MGLL: variants seen among roughly 807,000 people sequenced by gnomAD.
MGLL encodes the protein monoglyceride lipase.
Under a neutral mutation model 29.1 loss-of-function variants are expected in MGLL, and 7 were observed. That is an observed-to-expected ratio of 0.24 (90% CI 0.14 to 0.45). The LOEUF is 0.45. MGLL is among the 20% of genes least tolerant of loss of function. The pLI, the probability that MGLL is intolerant of heterozygous loss-of-function variation, is 0.99. For missense variants in MGLL, 356 were observed against 413.6 expected (o/e 0.86, Z 1.21); for synonymous variants, 148 against 168.3 (o/e 0.88, Z 0.93).
At position 127,781,889 on chromosome 3, in the gene MGLL, G is replaced by A; in HGVS notation, c.162C>T (p.Leu54=). Residue 54 remains leucine (L), a synonymous_variant, in exon 3 of 8, where the codon CTC becomes CTT. Coordinates refer to ENST00000265052, the MANE Select transcript of MGLL (RefSeq NM_007283.7). ...YWKPTGTPKA[L]IFVSHGAGEH... The stretch of plus-strand genomic sequence containing the variant: ...CTCCGGCTCCATGGGACACAAAGAT[G>A]AGGGCCCTGCAGAGACAAGAAGGGA... 3 of 1,614,016 alleles carry A rather than the reference G, an allele frequency of 1.9e-6. No individual in the cohort carries two copies. Among genetic ancestry groups the A allele is most frequent in the Non-Finnish European group, 1.7e-6 (2 of 1,179,986 alleles).
chr3:127,722,291 C>G, intron 4 of MGLL, 139 bp downstream of exon 4: 1 of 1,244,720 alleles, frequency 8.0e-7, no homozygotes, highest in Non-Finnish European at 1.2e-6. Context: ...CCCAGGAACT[C>G]CAAGTGCAGT....
chr3:127,738,456 G>T (rs1387917073), intron 3 of MGLL, among the ~76,000 whole-genome samples: 2 of 152,182 alleles, frequency 1.3e-5, no homozygotes, highest in Admixed American at 1.3e-4. Flanking sequence ...GGAGCTGCTG[G>T]TGGAAGGGTG....
At chr3:127,809,712 T>G (rs2077628527) in intron 2 of MGLL, among the ~76,000 whole-genome samples, 1 of 151,794 alleles carries the variant, frequency 6.6e-6, no homozygotes, top group Admixed American at 6.6e-5. Context: ...ATGGCCACAG[T>G]TCTCTGCACA....
chr3:127,783,360 G>A (rs1470822599), intron 2 of MGLL, among the ~76,000 whole-genome samples: 4 of 151,996 alleles, frequency 2.6e-5, no homozygotes, highest in Admixed American at 2.0e-4. Context: ...CTTTCTGCTG[G>A]GCTCTGGCCC....
chr3:127,701,351 G>C (rs60981989), intron 6 of MGLL, among the ~76,000 whole-genome samples: 7,496 of 152,142 alleles, frequency 0.049, 221 homozygotes, highest in East Asian at 0.12. Flanking sequence ...TGGCCATGGC[G>C]TGCTTCCTCT....
intron 5 of MGLL, chr3:127,710,883 T>G: frequency 3.3e-4 from 178 of 537,670 alleles, no homozygotes; most frequent in Middle Eastern, 2.1e-3. Context: ...TTGGGGGAGC[T>G]GGCCAGGCAG....
intron 2 of MGLL, among the ~76,000 whole-genome samples, chr3:127,793,467 C>T (rs569431435): frequency 6.6e-6 from 1 of 152,344 alleles, no homozygotes; most frequent in South Asian, 2.1e-4. Context: ...CAATCTCCTT[C>T]CCCATAATTA....
intron 5 of MGLL, among the ~76,000 whole-genome samples, chr3:127,715,306 A>G (rs377225906): frequency 2.4e-4 from 36 of 152,334 alleles, no homozygotes; most frequent in African/African-American, 8.2e-4. Context: ...AGGAACCACC[A>G]TAAGAGATGT....
intron 3 of MGLL, among the ~76,000 whole-genome samples, chr3:127,733,582 T>G (rs1435263350): frequency 6.6e-6 from 1 of 152,146 alleles, no homozygotes; most frequent in Non-Finnish European, 1.5e-5. Context: ...GGTGTCACTG[T>G]CTTGGGAGGA....
chr3:127,693,884 C>T (rs2075295008), intron 7 of MGLL, among the ~76,000 whole-genome samples: 1 of 152,174 alleles, frequency 6.6e-6, no homozygotes, highest in Non-Finnish European at 1.5e-5. Context: ...TTAGCGGACT[C>T]CTTTCGCAGG....
At chr3:127,714,436 A>G (rs1412965454) in intron 5 of MGLL, among the ~76,000 whole-genome samples, 1 of 152,260 alleles carries the variant, frequency 6.6e-6, no homozygotes, top group African/African-American at 2.4e-5. Context: ...TGCTGCCAGC[A>G]GGTTCAGGAT....
chr3:127,776,450 G>T (rs1386417903), intron 3 of MGLL, among the ~76,000 whole-genome samples: 1 of 152,148 alleles, frequency 6.6e-6, no homozygotes, highest in African/African-American at 2.4e-5. Flanking sequence ...GAGAACCATG[G>T]CTCTCAACGA....
rs188269514 is a variant in MGLL, at chr3:127,730,272, C to A, written c.263-7706G>T. On this transcript the variant is annotated intron_variant, in intron 3 of 7. Transcript: ENST00000265052. ...GGCTCTCCATGACCCACCTCCTCTTCCGGAAGCTGCTCTGATGGTGTCGTG... is the reference window on the plus strand; with the variant it reads ...GGCTCTCCATGACCCACCTCCTCTTACGGAAGCTGCTCTGATGGTGTCGTG... Among the ~76,000 whole-genome samples, 265 of 152,198 alleles carry A rather than the reference C, an allele frequency of 1.7e-3. 2 individuals carry two copies. Among genetic ancestry groups the A allele is most frequent in the African/African-American group, 6.1e-3 (254 of 41,540 alleles).
chr3:127,817,502 C>A (rs1576325823), intron 2 of MGLL, among the ~76,000 whole-genome samples: 1 of 152,336 alleles, frequency 6.6e-6, no homozygotes, highest in East Asian at 1.9e-4. Flanking sequence ...GATGTGTCCA[C>A]TCGGTAACCC....
At chr3:127,748,837 G>A (rs1030143542) in intron 3 of MGLL, among the ~76,000 whole-genome samples, 53 of 152,230 alleles carry the variant, frequency 3.5e-4, no homozygotes, top group African/African-American at 1.1e-3. Flanking sequence ...CAACAGCCCC[G>A]AGTGGTGTGC....
intron 3 of MGLL, among the ~76,000 whole-genome samples, chr3:127,732,997 G>A (rs1200528607): frequency 1.3e-5 from 2 of 152,170 alleles, no homozygotes; most frequent in Non-Finnish European, 2.9e-5. Flanking sequence ...CATCTTGAAC[G>A]GGGGCTGGGT....
intron 3 of MGLL, among the ~76,000 whole-genome samples, chr3:127,759,539 G>A (rs774984951): frequency 3.3e-5 from 5 of 152,226 alleles, no homozygotes; most frequent in African/African-American, 4.8e-5. Context: ...AATCTCAGCT[G>A]TGGGCATGTT....
chr3:127,726,262 G>T (rs1396165457), intron 3 of MGLL, among the ~76,000 whole-genome samples: 1 of 128,802 alleles, frequency 7.8e-6, no homozygotes, highest in Admixed American at 8.2e-5. Context: ...GAAAGAGAGA[G>T]AGAAGGAGGG....
chr3:127,726,165 AAAG>A (rs1559926184), intron 3 of MGLL, among the ~76,000 whole-genome samples: 208 of 30,774 alleles, frequency 6.8e-3, no homozygotes, highest in Middle Eastern at 0.029. Context: ...AGAAAGAAAG[AAAG>A]AAAGAAAGAA....
Sources: allele counts gnomAD v4.1 joint callset (sites outside exome capture counted in the v4.1 genomes callset), GRCh38; gene constraint gnomAD v4.1.1; transcripts MANE v1.5; gene names NCBI Gene and HGNC (gene_info 2026-07-23, HGNC 2026-07-21).